PWP1: variants seen among roughly 807,000 people sequenced by gnomAD.
The protein encoded by PWP1 is periodic tryptophan protein 1 homolog.
A neutral mutation model predicts 69.9 loss-of-function variants in PWP1; 47 were observed. That is an observed-to-expected ratio of 0.67 (90% CI 0.53 to 0.86). The LOEUF (loss-of-function observed/expected upper bound fraction) is 0.86. Among genes scored for constraint, PWP1 ranks in the 40% least tolerant of loss-of-function variants. The pLI, the probability that PWP1 is intolerant of heterozygous loss-of-function variation, is 0.00. For synonymous variants in PWP1, 222 were observed against 208.2 expected, an observed-to-expected ratio of 1.07 and a Z score of -0.57; for missense variants, 551 against 608.8, an observed-to-expected ratio of 0.91 and a Z score of 1.00.
intron 1 of PWP1, among the ~76,000 whole-genome samples, chr12:107,687,556 A>G (rs574393190): frequency 5.4e-4 from 83 of 152,338 alleles, no homozygotes; most frequent in African/African-American, 1.9e-3. Flanking sequence ...TTTATAGGAA[A>G]AAGAGATTGA....
intron 8 of PWP1, among the ~76,000 whole-genome samples, chr12:107,700,078 T>G (rs1180609749): frequency 6.6e-6 from 1 of 152,156 alleles, no homozygotes; most frequent in Non-Finnish European, 1.5e-5. Flanking sequence ...TTCACTATCA[T>G]GAGAACAGCA....
rs1889427165 is a variant in PWP1, at chr12:107,688,821, G to A, written c.319+19G>A. 1 of 1,605,514 alleles carries A rather than the reference G, an allele frequency of 6.2e-7. No homozygotes were observed. On this transcript the variant is annotated intron_variant, in intron 3 of 14. Transcript: ENST00000412830. Reference sequence around the variant, plus strand: ...GACCCAGGTTAGTTTATCCACTTCTGATGGTTTGTAATTACAAGCTCAATA... The same window carrying A: ...GACCCAGGTTAGTTTATCCACTTCTAATGGTTTGTAATTACAAGCTCAATA...
intron 8 of PWP1, among the ~76,000 whole-genome samples, chr12:107,702,279 A>G (rs894215886): frequency 3.3e-5 from 5 of 151,438 alleles, no homozygotes; most frequent in African/African-American, 9.7e-5. Context: ...ATAGTAGTAC[A>G]TCCTGTTTTG....
chr12:107,706,855 T>C (rs980424489), intron 11 of PWP1, among the ~76,000 whole-genome samples: 1 of 152,252 alleles, frequency 6.6e-6, no homozygotes, highest in African/African-American at 2.4e-5. Flanking sequence ...CTTTGTTCTT[T>C]TGGCTTAGGA....
In PWP1 at chr12:107,699,297, A is replaced by G. The variant is rs983439686; in HGVS notation, c.745-76A>G. 1.5e-5 allele frequency: 17 copies of G among 1,111,486 alleles called. No homozygotes were observed. The Admixed American group carries it at 1.8e-4, about 12-fold the overall frequency. The allele number at this position is 1,111,486 out of a possible 1,614,324, so 68.9% of individuals were successfully genotyped here. ...ACAAAATAATCTTAAGGTTTAAAGA[A>G]TTTTGCAGATTAATATATTCAGTTT... is the stretch of plus-strand genomic sequence containing the variant. On this transcript the variant is annotated intron_variant, in intron 7 of 14. Transcript: ENST00000412830.
At chr12:107,688,884 T>C (rs1889428249) in intron 3 of PWP1, 82 bp downstream of exon 3, 1 of 1,353,926 alleles carries the variant, frequency 7.4e-7, no homozygotes, top group African/African-American at 1.5e-5. Context: ...AGCTTTACTC[T>C]TAGATTTTAT....
At chr12:107,702,575 G>C (rs1262222503) in intron 8 of PWP1, among the ~76,000 whole-genome samples, 1 of 151,966 alleles carries the variant, frequency 6.6e-6, no homozygotes, top group East Asian at 1.9e-4. Flanking sequence ...CACTGTGCCT[G>C]GCTGTGAATC....
intron 10 of PWP1, among the ~76,000 whole-genome samples, chr12:107,704,019 CAG>C (rs1239160636): frequency 1.3e-5 from 2 of 152,202 alleles, no homozygotes; most frequent in Admixed American, 6.5e-5. Flanking sequence ...TGTCACATGA[CAG>C]AGGGCATGGA....
intron 13 of PWP1, 67 bp downstream of exon 13, chr12:107,709,299 T>G: frequency 6.5e-7 from 1 of 1,549,760 alleles, no homozygotes; most frequent in Non-Finnish European, 8.8e-7. Flanking sequence ...TTCTGGAACT[T>G]GTGTTGCGTG....
At chr12:107,696,346 TAATATC>T in intron 5 of PWP1, 122 bp from the exon 6 acceptor site, 1 of 1,346,350 alleles carries the variant, frequency 7.4e-7, no homozygotes. Flanking sequence ...AATCTCTTTA[TAATATC>T]AGATGTCTCA....
intron 11 of PWP1, among the ~76,000 whole-genome samples, chr12:107,705,094 T>C (rs1889790509): frequency 6.6e-6 from 1 of 152,162 alleles, no homozygotes; most frequent in African/African-American, 2.4e-5. Flanking sequence ...TTCTTTTCTT[T>C]AAATCCTCAT....
rs148349473 is a variant in PWP1, at chr12:107,686,044, C to A, written c.72+73C>A. On this transcript the variant is annotated intron_variant, in intron 1 of 14. Coordinates refer to ENST00000412830, the MANE Select transcript of PWP1 (RefSeq NM_007062.3). ...CTGGGGGTCCGCCCAGCTGGGGGAA[C>A]GTGGACCCGGAACTCGGGGCGTTGG... is the stretch of plus-strand genomic sequence containing the variant. The A allele has an allele frequency of 6.6e-4, 1,008 of 1,538,920 alleles. 9 individuals carry two copies. The African/African-American group carries it at 0.012, about 18-fold the overall frequency.
chr12:107,705,494 A>G (rs968262931), intron 11 of PWP1, among the ~76,000 whole-genome samples: 18 of 149,032 alleles, frequency 1.2e-4, no homozygotes, highest in Non-Finnish European at 2.2e-4. Flanking sequence ...TACATTAGGT[A>G]TATCTCCTAA....
chr12:107,711,585 C>G (rs1889953534), intron 14 of PWP1, among the ~76,000 whole-genome samples: 1 of 152,192 alleles, frequency 6.6e-6, no homozygotes, highest in Non-Finnish European at 1.5e-5. Context: ...CCACTCCTCT[C>G]CCTTCAGGGG....
intron 5 of PWP1, among the ~76,000 whole-genome samples, chr12:107,693,943 C>T (rs1270771440): frequency 6.6e-6 from 1 of 152,122 alleles, no homozygotes; most frequent in East Asian, 1.9e-4. Flanking sequence ...CACAAAGGGC[C>T]ACGTTTCTTT....
At chr12:107,710,326 C>T in intron 13 of PWP1, 79 bp from the exon 14 acceptor site, 4 of 1,560,676 alleles carry the variant, frequency 2.6e-6, no homozygotes, top group Non-Finnish European at 3.5e-6. Flanking sequence ...ATCATAGATT[C>T]TTAGAGACAA....
rs1458779660 is a variant in PWP1 at position 107,712,982 on chromosome 12, C to CCTAA, written c.*765_*768dup. The CCTAA allele has an allele frequency of 6.6e-6, 1 of 152,108 alleles. No homozygotes were observed. The highest frequency in any genetic ancestry group is 1.5e-5 in the Non-Finnish European group (1 of 68,034). The allele number at this position is 152,108 out of a possible 1,614,324, so 9.4% of individuals were successfully genotyped here. On this transcript the variant is annotated 3_prime_UTR_variant, in exon 15 of 15. Transcript: ENST00000412830. ...TTAGTTTGATAATATGAGACCCAAC[C>CCTAA]CTAACTTGCCAGAAGAGTAATCAGT...
At chr12:107,710,640 A>T (rs548725731) in intron 14 of PWP1, 130 bp downstream of exon 14, 12 of 1,384,514 alleles carry the variant, frequency 8.7e-6, no homozygotes, top group Non-Finnish European at 9.5e-7. Flanking sequence ...CTTGGTCCTC[A>T]GCCTTCTGTA....
At chr12:107,686,310 C>T (rs1889364186) in intron 1 of PWP1, among the ~76,000 whole-genome samples, 1 of 152,188 alleles carries the variant, frequency 6.6e-6, no homozygotes. Flanking sequence ...ACACCACTAG[C>T]TTCACTAGCA....
Sources: gnomAD v4.1 joint callset for allele counts (sites outside exome capture counted in the v4.1 genomes callset) on GRCh38, gnomAD v4.1.1 for gene constraint, MANE v1.5 for transcripts, NCBI Gene and HGNC (gene_info 2026-07-23, HGNC 2026-07-21) for gene names.